Variants in DGKB observed in about 807,000 individuals in gnomAD.
DGKB encodes 90 kDa diacylglycerol kinase.
In DGKB, 67 loss-of-function variants were observed where a neutral mutation model predicts 114.3. The observed-to-expected ratio is 0.59, with a 90% CI of 0.48 to 0.72. The LOEUF is 0.72. Ranked by LOEUF, DGKB falls within the 30% of genes least tolerant of loss-of-function variation. The pLI is 0.00. For synonymous variants in DGKB, 398 were observed against 323.1 expected, an observed-to-expected ratio of 1.23 and a Z score of -2.49; for missense variants, 907 against 975.2, an observed-to-expected ratio of 0.93 and a Z score of 0.93.
chr7:14,801,948 G>A (rs199623574), intron 2 of DGKB, among the ~76,000 whole-genome samples: 451 of 106,846 alleles, frequency 4.2e-3, no homozygotes, highest in African/African-American at 0.013. Context: ...ACACACACAC[G>A]CACACACATA....
intron 13 of DGKB, among the ~76,000 whole-genome samples, chr7:14,660,850 A>G (rs1410764408): frequency 6.6e-6 from 1 of 152,082 alleles, no homozygotes; most frequent in East Asian, 1.9e-4. Context: ...TGGTACCAAA[A>G]CAGAGATATA....
At chr7:14,219,427 A>G (rs1789555882) in intron 23 of DGKB, among the ~76,000 whole-genome samples, 1 of 151,834 alleles carries the variant, frequency 6.6e-6, no homozygotes, top group Admixed American at 6.6e-5. Context: ...ATTCTTGGCA[A>G]CACTTAGTGT....
At chr7:14,496,098 A>G (rs1315733251) in intron 20 of DGKB, among the ~76,000 whole-genome samples, 1 of 151,904 alleles carries the variant, frequency 6.6e-6, no homozygotes, top group Non-Finnish European at 1.5e-5. Context: ...CAAATTAATA[A>G]TTAACATACT....
intron 6 of DGKB, among the ~76,000 whole-genome samples, chr7:14,703,938 A>G (rs1199638786): frequency 6.6e-6 from 1 of 152,160 alleles, no homozygotes; most frequent in Non-Finnish European, 1.5e-5. Flanking sequence ...TATTACACTT[A>G]CAGATAAACG....
intron 20 of DGKB, among the ~76,000 whole-genome samples, chr7:14,554,112 T>G (rs6962315): frequency 2.0e-5 from 3 of 151,982 alleles, no homozygotes; most frequent in African/African-American, 7.2e-5. Flanking sequence ...GACCTCGTGA[T>G]CTGCCCACCT....
At chr7:14,568,545 A>T (rs1219594981) in intron 20 of DGKB, among the ~76,000 whole-genome samples, 1 of 152,194 alleles carries the variant, frequency 6.6e-6, no homozygotes, top group Non-Finnish European at 1.5e-5. Context: ...AGAGAAGGTT[A>T]TCTGTCAAGA....
chr7:14,626,838 CTTAG>C (rs766917222), intron 14 of DGKB, among the ~76,000 whole-genome samples: 4 of 152,002 alleles, frequency 2.6e-5, no homozygotes, highest in African/African-American at 4.8e-5. Flanking sequence ...TTCTTTTAAA[CTTAG>C]TTAAGTAAGT....
At chr7:14,966,948 G>A (rs1346902582) in intron 1 of DGKB, among the ~76,000 whole-genome samples, 1 of 151,848 alleles carries the variant, frequency 6.6e-6, no homozygotes, top group Non-Finnish European at 1.5e-5. Context: ...TCATCTTAAG[G>A]AAATATTATG....
In DGKB at chr7:14,757,667, A is replaced by G; in HGVS notation, c.135T>C (p.Tyr45=). The G allele has an allele frequency of 6.3e-7, 1 of 1,596,050 alleles. No individual in the cohort carries two copies. Among genetic ancestry groups the G allele is most frequent in the Non-Finnish European group, 8.6e-7 (1 of 1,165,342 alleles). The change falls in exon 3 of 26, where the codon TAT becomes TAC. Residue 45 remains tyrosine, a synonymous_variant. Coordinates refer to ENST00000402815, the MANE Select transcript of DGKB (RefSeq NM_001350709.2). ...EFHGNGVLAK[Y]NPEGKQDILN... is the part of the protein sequence containing the mutation. ...AAAGAAGTTTTACCCCTTCAGGATT[A>G]TACTTTGCAAGCACACCATTACCAT...
At chr7:14,216,792 T>A (rs1789053692) in intron 23 of DGKB, among the ~76,000 whole-genome samples, 5 of 150,518 alleles carry the variant, frequency 3.3e-5, no homozygotes, top group Non-Finnish European at 5.9e-5. Flanking sequence ...TGTATGTGTA[T>A]GTGTGGGTGG....
At chr7:14,217,181 G>A (rs1789123111) in intron 23 of DGKB, among the ~76,000 whole-genome samples, 1 of 152,004 alleles carries the variant, frequency 6.6e-6, no homozygotes, top group South Asian at 2.1e-4. Flanking sequence ...AGATGCCTAA[G>A]TATTCTAAAG....
chr7:14,953,323 A>G (rs994676089), intron 1 of DGKB, among the ~76,000 whole-genome samples: 4 of 152,128 alleles, frequency 2.6e-5, no homozygotes, highest in African/African-American at 9.7e-5. Flanking sequence ...AAGGAATTCT[A>G]TAAAGATCAT....
chr7:14,910,297 AG>A (rs1783930113), intron 1 of DGKB, among the ~76,000 whole-genome samples: 1 of 136,106 alleles, frequency 7.3e-6, no homozygotes, highest in African/African-American at 2.7e-5. Context: ...AAAGAAAGAA[AG>A]AAAGAAAGAA....
chr7:14,657,516 A>G (rs1816098155), intron 13 of DGKB, among the ~76,000 whole-genome samples: 1 of 151,954 alleles, frequency 6.6e-6, no homozygotes, highest in South Asian at 2.1e-4. Context: ...ACAAAAAAGA[A>G]CGTTGCATAG....
intron 23 of DGKB, among the ~76,000 whole-genome samples, chr7:14,199,336 G>A (rs1176566100): frequency 6.6e-6 from 1 of 151,786 alleles, no homozygotes; most frequent in African/African-American, 2.4e-5. Context: ...GAATGAATAG[G>A]AAAAAGGAAT....
At chr7:14,701,497 T>C (rs1013399285) in intron 7 of DGKB, among the ~76,000 whole-genome samples, 184 bp downstream of exon 7, 16 of 152,300 alleles carry the variant, frequency 1.1e-4, no homozygotes, top group Admixed American at 6.5e-4. Flanking sequence ...AGTAGAACAA[T>C]TGTAATCCCA....
At chr7:14,928,861 T>A (rs1284648098) in intron 1 of DGKB, among the ~76,000 whole-genome samples, 3 of 151,948 alleles carry the variant, frequency 2.0e-5, no homozygotes, top group African/African-American at 7.2e-5. Context: ...CATTGTCTAT[T>A]ATTCCACACT....
intron 1 of DGKB, among the ~76,000 whole-genome samples, chr7:14,854,066 T>C (rs1310340121): frequency 6.6e-6 from 1 of 152,110 alleles, no homozygotes; most frequent in African/African-American, 2.4e-5. Flanking sequence ...CAACATACTG[T>C]TTCCAAAAGT....
At chr7:14,325,361 G>T (rs1039826351) in intron 23 of DGKB, among the ~76,000 whole-genome samples, 1 of 152,116 alleles carries the variant, frequency 6.6e-6, no homozygotes, top group Non-Finnish European at 1.5e-5. Context: ...GAAAGTGAGC[G>T]ATGGTAGATG....
Sources: gnomAD v4.1 joint callset for allele counts (sites outside exome capture counted in the v4.1 genomes callset) on GRCh38, gnomAD v4.1.1 for gene constraint, MANE v1.5 for transcripts, NCBI Gene and HGNC (gene_info 2026-07-23, HGNC 2026-07-21) for gene names.